The following FSTL4 variants were observed in gnomAD, a reference collection of about 807,000 sequenced individuals.
FSTL4 encodes follistatin like 4.
A neutral mutation model predicts 78.2 loss-of-function variants in FSTL4; 28 were observed. The observed-to-expected ratio is 0.36, with a 90% CI of 0.27 to 0.49. FSTL4 has a LOEUF of 0.49. Ranked by LOEUF, FSTL4 falls within the 20% of genes least tolerant of loss-of-function variation. The probability of loss-of-function intolerance (pLI) is 0.98; values close to 1 mark genes in which losing one functional copy is unlikely to be tolerated. For synonymous variants in FSTL4, 422 were observed against 440.5 expected (o/e 0.96, Z 0.53); for missense variants, 922 against 1,084.9 (o/e 0.85, Z 2.11).
chr5:133,542,742 CTAT>C (rs2112920615), intron 3 of FSTL4, among the ~76,000 whole-genome samples: 1 of 152,044 alleles, frequency 6.6e-6, no homozygotes, highest in African/African-American at 2.4e-5. Context: ...AAATAAGATT[CTAT>C]TATTGTTTTG....
chr5:133,209,590 G>A (rs56767377), intron 14 of FSTL4, among the ~76,000 whole-genome samples: 28,404 of 152,102 alleles, frequency 0.19, 8,457 homozygotes, highest in African/African-American at 0.63. Context: ...TACTCAAATT[G>A]CTCAAGTCAG....
chr5:133,796,451 G>A, the FSTL4 span, among the ~76,000 whole-genome samples: 1 of 152,286 alleles, frequency 6.6e-6, no homozygotes, highest in South Asian at 2.1e-4. Flanking sequence ...GCCACACACA[G>A]ACTCGAAGGA....
chr5:133,835,096 C>T, the FSTL4 span, among the ~76,000 whole-genome samples: 1 of 152,192 alleles, frequency 6.6e-6, no homozygotes, highest in Non-Finnish European at 1.5e-5. Flanking sequence ...GATCAGTACC[C>T]TCCTCCTACA....
chr5:133,659,940 A>C, the FSTL4 span, among the ~76,000 whole-genome samples: 88,209 of 151,950 alleles, frequency 0.58, 26,586 homozygotes, highest in African/African-American at 0.75. Flanking sequence ...AAGGAGGGAG[A>C]AAGAGGTCAG....
chr5:133,695,373 G>A, the FSTL4 span, among the ~76,000 whole-genome samples: 5 of 152,156 alleles, frequency 3.3e-5, no homozygotes, highest in African/African-American at 7.2e-5. Flanking sequence ...CACACTATAA[G>A]CTCAAAGAGA....
the FSTL4 span, among the ~76,000 whole-genome samples, chr5:133,655,826 C>T: frequency 0.66 from 100,658 of 151,996 alleles, 34,649 homozygotes; most frequent in African/African-American, 0.86. Context: ...GGCTGTATTC[C>T]AAGTGCATCA....
At chr5:133,530,495 C>A (rs903108268) in intron 3 of FSTL4, among the ~76,000 whole-genome samples, 16 of 152,170 alleles carry the variant, frequency 1.1e-4, no homozygotes, top group African/African-American at 3.9e-4. Flanking sequence ...AGCCTAGGTG[C>A]CTTGAAGACA....
At chr5:133,577,287 G>A (rs1760304558) in intron 2 of FSTL4, among the ~76,000 whole-genome samples, 4 of 152,204 alleles carry the variant, frequency 2.6e-5, no homozygotes, top group Non-Finnish European at 5.9e-5. Context: ...GTTATGCAGA[G>A]CTTGCTGCAA....
chr5:133,405,011 C>A (rs916115612), intron 3 of FSTL4, among the ~76,000 whole-genome samples: 6 of 152,366 alleles, frequency 3.9e-5, no homozygotes, highest in Admixed American at 3.9e-4. Context: ...CCTGCTGGCA[C>A]GTTCTTCCCA....
chr5:133,832,594 GC>G, the FSTL4 span, among the ~76,000 whole-genome samples: 1 of 152,210 alleles, frequency 6.6e-6, no homozygotes, highest in Non-Finnish European at 1.5e-5. Flanking sequence ...CTGCCCATGG[GC>G]AAGTCCATAT....
intron 6 of FSTL4, among the ~76,000 whole-genome samples, chr5:133,301,086 G>A (rs1367230827): frequency 6.6e-6 from 1 of 152,172 alleles, no homozygotes; most frequent in Non-Finnish European, 1.5e-5. Flanking sequence ...CACTTCAGGG[G>A]CCCTGCCATC....
intron 2 of FSTL4, among the ~76,000 whole-genome samples, chr5:133,593,219 C>A (rs955687556): frequency 4.6e-5 from 7 of 152,106 alleles, no homozygotes; most frequent in African/African-American, 1.7e-4. Context: ...TTCAACACCA[C>A]CCCTGGCCCT....
chr5:133,384,561 C>T (rs547477830), intron 4 of FSTL4, among the ~76,000 whole-genome samples: 1 of 152,316 alleles, frequency 6.6e-6, no homozygotes, highest in African/African-American at 2.4e-5. Flanking sequence ...GTGCCTGGTC[C>T]TGCTGACTGT....
At chr5:133,249,966 G>A (rs900063496) in intron 6 of FSTL4, among the ~76,000 whole-genome samples, 5 of 152,220 alleles carry the variant, frequency 3.3e-5, no homozygotes, top group African/African-American at 1.2e-4. Context: ...TCTGGGCCTT[G>A]CTAAGTGCAG....
At chr5:133,713,174 A>G in the FSTL4 span, among the ~76,000 whole-genome samples, 14 of 152,232 alleles carry the variant, frequency 9.2e-5, no homozygotes, top group Admixed American at 6.5e-5. Context: ...CTTTATCTTA[A>G]AAATTAAGAT....
chr5:133,416,787 A>T (rs1756587466), intron 3 of FSTL4, among the ~76,000 whole-genome samples: 1 of 152,366 alleles, frequency 6.6e-6, no homozygotes, highest in Middle Eastern at 3.4e-3. Context: ...TGCTAAGGAC[A>T]TAAAGATCAA....
chr5:133,322,412 T>G (rs958351103), intron 4 of FSTL4, among the ~76,000 whole-genome samples: 1 of 152,106 alleles, frequency 6.6e-6, no homozygotes, highest in South Asian at 2.1e-4. Context: ...CAGCCTTAGT[T>G]TGGGCTCCCC....
chr5:133,468,125 T>C (rs1261944613), intron 3 of FSTL4, among the ~76,000 whole-genome samples: 1 of 152,160 alleles, frequency 6.6e-6, no homozygotes, highest in Non-Finnish European at 1.5e-5. Flanking sequence ...TAGCTCCTCT[T>C]GCTGGGAAGA....
the FSTL4 span, among the ~76,000 whole-genome samples, chr5:133,639,070 C>T: frequency 4.2e-3 from 645 of 152,168 alleles, 4 homozygotes; most frequent in African/African-American, 0.015. Flanking sequence ...CTTATCAACT[C>T]GTCATCTAGG....
Sources: gnomAD v4.1 joint callset for allele counts (sites outside exome capture counted in the v4.1 genomes callset) on GRCh38, gnomAD v4.1.1 for gene constraint, MANE v1.5 for transcripts, NCBI Gene and HGNC (gene_info 2026-07-23, HGNC 2026-07-21) for gene names.